PIEZO2: variants seen among roughly 807,000 people sequenced by gnomAD.
The protein encoded by PIEZO2 is piezo-type mechanosensitive ion channel component 2.
A neutral mutation model predicts 337.3 loss-of-function variants in PIEZO2; 172 were observed. That is an observed-to-expected ratio of 0.51 (90% confidence interval 0.45 to 0.58). The LOEUF (loss-of-function observed/expected upper bound fraction) is 0.58, where lower values mean the gene tolerates loss of function less well. Ranked by LOEUF, PIEZO2 falls within the 20% of genes least tolerant of loss-of-function variation. The probability of loss-of-function intolerance (pLI) is 0.00; values close to 1 mark genes in which losing one functional copy is unlikely to be tolerated. For synonymous variants in PIEZO2, 1,251 were observed against 1,228.5 expected (o/e 1.02, Z -0.38); for missense variants, 3,028 against 3,391.3 (o/e 0.89, Z 2.66).
chr18:10,989,125 G>A (rs983374403), intron 2 of PIEZO2, among the ~76,000 whole-genome samples: 1 of 152,092 alleles, frequency 6.6e-6, no homozygotes, highest in African/African-American at 2.4e-5. Flanking sequence ...TAAAGGAAGA[G>A]AGAGGAGACT....
chr18:10,811,178 T>C (rs1368988912), intron 7 of PIEZO2, among the ~76,000 whole-genome samples: 2 of 152,200 alleles, frequency 1.3e-5, no homozygotes, highest in African/African-American at 4.8e-5. Context: ...TTAATATCCT[T>C]GGCATCATCT....
Position 10,724,453 on chromosome 18 carries a change from C to G in PIEZO2, c.5030-6194G>C, listed in dbSNP as rs776224310. ...AATGCATGCTGCAGCCAATCAGACC[C>G]CTGGTAGCAGAGCCTGGGCCCACCA... On this transcript the variant is annotated intron_variant, in intron 36 of 55. Coordinates refer to ENST00000674853, the MANE Select transcript of PIEZO2 (RefSeq NM_001378183.1). This position sits in a 1 kb window ranked among gnomAD's most constrained non-coding sequence, Gnocchi z 5.8. Among the ~76,000 whole-genome samples the G allele has an allele frequency of 6.6e-6, 1 of 152,192 alleles. No homozygotes were observed. The highest frequency in any genetic ancestry group is 1.5e-5 in the Non-Finnish European group (1 of 68,034).
In PIEZO2 at chr18:10,689,054, T is replaced by C. The variant is rs562016785; in HGVS notation, c.7497+601A>G. ...AGGAGCCTTTTTCAAGGAGGGTATT[T>C]TGAGACGAGAAAGAAAGACATTTCA... On this transcript the variant is annotated intron_variant, in intron 49 of 55. Coordinates refer to ENST00000674853, the MANE Select transcript of PIEZO2 (RefSeq NM_001378183.1). Among the ~76,000 whole-genome samples, 28 of 152,316 alleles carry C rather than the reference T, an allele frequency of 1.8e-4. 1 individual carries two copies. In the South Asian group the frequency reaches 5.8e-3, roughly 32 times the overall value.
Position 11,131,114 on chromosome 18 carries a change from T to C in PIEZO2, c.64+17411A>G, listed in dbSNP as rs928461939. ...CTACTCTCCTTTTGAGAGACAGCTC[T>C]TGGCTGACACTGGACTTTGGTGGAA... On this transcript the variant is annotated intron_variant, in intron 1 of 55. Transcript: ENST00000674853. The surrounding 1 kb of genome is among the most constrained non-coding windows in gnomAD (Gnocchi z 5.3). Among the ~76,000 whole-genome samples, 7 of 152,232 alleles carry C rather than the reference T, an allele frequency of 4.6e-5. No homozygotes were observed. Among genetic ancestry groups the C allele is most frequent in the African/African-American group, 1.7e-4 (7 of 41,466 alleles).
chr18:11,029,006 T>G (rs956080424), intron 2 of PIEZO2, among the ~76,000 whole-genome samples: 1 of 152,204 alleles, frequency 6.6e-6, no homozygotes, highest in East Asian at 1.9e-4. Context: ...TAAATAGAAA[T>G]TGAGGGGAAC....
chr18:10,765,713 G>A (rs1170801791), intron 21 of PIEZO2, among the ~76,000 whole-genome samples: 1 of 152,182 alleles, frequency 6.6e-6, no homozygotes, highest in Non-Finnish European at 1.5e-5. Flanking sequence ...AGTTGACACA[G>A]ATTTTGGGAC....
intron 5 of PIEZO2, among the ~76,000 whole-genome samples, chr18:10,867,772 T>C (rs367823142): frequency 1.3e-5 from 2 of 152,276 alleles, no homozygotes; most frequent in South Asian, 2.1e-4. Context: ...TAAATAACTC[T>C]TTTCTACTCA....
intron 1 of PIEZO2, among the ~76,000 whole-genome samples, chr18:11,121,050 C>T (rs560778201): frequency 1.3e-5 from 2 of 152,248 alleles, no homozygotes; most frequent in South Asian, 2.1e-4. Context: ...GTCAGGAGTT[C>T]AAGACCAGCC....
At position 10,758,101 on chromosome 18, in the gene PIEZO2, T is replaced by C; in HGVS notation, c.3791A>G (p.Gln1264Arg). 1 of 1,537,612 alleles carries C rather than the reference T, an allele frequency of 6.5e-7. No homozygotes were observed. Among genetic ancestry groups the C allele is most frequent in the Non-Finnish European group, 8.7e-7 (1 of 1,146,900 alleles). ...GTTCTCATCCTCAAAAATCTGCCGTTGTAAGGAGGCACACAGAAGCAGCAT... is the reference window on the plus strand; with the variant it reads ...GTTCTCATCCTCAAAAATCTGCCGTCGTAAGGAGGCACACAGAAGCAGCAT... The part of the protein sequence containing the change: ...DFMLLLCASL[Q>R]RQIFEDENKA... Residue 1264 changes from glutamine (Q) to arginine (R), a missense_variant, in exon 27 of 56, where the codon CAA becomes CGA. Around this residue, in one of 5 missense-constraint regions of PIEZO2, gnomAD observed 1,925 missense variants for 2,051.9 expected, o/e 0.94. Coordinates refer to ENST00000674853, the MANE Select transcript of PIEZO2 (RefSeq NM_001378183.1).
rs1401404396 is a variant in PIEZO2, at chr18:10,773,592, T to C, written c.2605A>G (p.Met869Val). ...HPEGSLPDLT[M>V]MHLTASLEKP... The stretch of plus-strand genomic sequence containing the variant: ...TCCAGGCTGGCAGTCAGATGCATCA[T>C]GGTGAGGTCCGGGAGGCTTCCTTCC... The change falls in exon 20 of 56, where the codon ATG (methionine) becomes GTG (valine). Residue 869 changes from methionine (M) to valine (V), a missense_variant. Around this residue, in one of 5 missense-constraint regions of PIEZO2, gnomAD observed 1,925 missense variants for 2,051.9 expected, o/e 0.94. Coordinates refer to ENST00000674853, the MANE Select transcript of PIEZO2 (RefSeq NM_001378183.1). The surrounding 1 kb of genome is among the most constrained non-coding windows in gnomAD (Gnocchi z 5.3). 8 of 1,537,184 alleles carry C rather than the reference T, an allele frequency of 5.2e-6. No individual in the cohort carries two copies. The highest frequency in any genetic ancestry group is 2.7e-5 in the African/African-American group (2 of 73,024).
intron 1 of PIEZO2, among the ~76,000 whole-genome samples, chr18:11,108,344 G>A (rs576006322): frequency 1.3e-5 from 2 of 152,212 alleles, no homozygotes; most frequent in South Asian, 2.1e-4. Flanking sequence ...GGCCAGGCAC[G>A]GTGGCTTACA....
In PIEZO2 at chr18:10,826,738, C is replaced by T. The variant is rs1341124629; in HGVS notation, c.918-19464G>A. Among the ~76,000 whole-genome samples the T allele has an allele frequency of 2.0e-5, 3 of 152,194 alleles. No individual in the cohort carries two copies. In the East Asian group the frequency reaches 5.8e-4, roughly 29 times the overall value. The stretch of plus-strand genomic sequence containing the variant: ...TTTAATTTGCAGACATTAAGGCATA[C>T]TCTTTATGCTATAAAGTGCAATGGG... On this transcript the variant is annotated intron_variant, in intron 7 of 55. Transcript: ENST00000674853.
intron 4 of PIEZO2, among the ~76,000 whole-genome samples, chr18:10,883,523 C>CATA (rs2042483688): frequency 6.6e-6 from 1 of 152,148 alleles, no homozygotes; most frequent in African/African-American, 2.4e-5. Flanking sequence ...ACATATATAA[C>CATA]TATACATTAG....
At position 11,027,916 on chromosome 18, in the gene PIEZO2, AAGAGCCTTCGT is replaced by A. The variant is rs1300556959; in HGVS notation, c.160+38200_160+38210del. Among the ~76,000 whole-genome samples the A allele has an allele frequency of 1.3e-5, 2 of 152,362 alleles. No individual in the cohort carries two copies. The highest frequency in any genetic ancestry group is 3.9e-4 in the East Asian group (2 of 5,178). Reference sequence around the variant, plus strand: ...AAGAAACAATTGTTAAATATACTAGAAGAGCCTTCGTAGAGTACTCTTTGATAAATTCTTCA... The same window carrying A: ...AAGAAACAATTGTTAAATATACTAGAAGAGTACTCTTTGATAAATTCTTCA... On this transcript the variant is annotated intron_variant, in intron 2 of 55. Transcript: ENST00000674853. The surrounding 1 kb of genome is among the most constrained non-coding windows in gnomAD (Gnocchi z 4.2).
At chr18:11,072,354 G>A (rs1207230089) in intron 1 of PIEZO2, among the ~76,000 whole-genome samples, 1 of 152,112 alleles carries the variant, frequency 6.6e-6, no homozygotes, top group Non-Finnish European at 1.5e-5. Flanking sequence ...CAATTGACAT[G>A]GCCCCCAAAT....
intron 2 of PIEZO2, among the ~76,000 whole-genome samples, chr18:11,050,121 A>G (rs1164558713): frequency 2.6e-5 from 4 of 152,150 alleles, no homozygotes; most frequent in Non-Finnish European, 4.4e-5. Context: ...GAACAACTAA[A>G]ATAACCTAAA....
intron 4 of PIEZO2, among the ~76,000 whole-genome samples, chr18:10,873,686 C>A (rs2042194744): frequency 6.6e-6 from 1 of 151,988 alleles, no homozygotes; most frequent in Non-Finnish European, 1.5e-5. Context: ...CTATAATATA[C>A]ATAAAAATTA....
intron 41 of PIEZO2, 23 bp downstream of exon 41, chr18:10,705,313 T>A: frequency 6.6e-7 from 1 of 1,510,668 alleles, no homozygotes; most frequent in Non-Finnish European, 8.8e-7. Flanking sequence ...GATATGTGTC[T>A]GATCTGTTCA....
Position 10,726,637 on chromosome 18 carries a change from G to T in PIEZO2, c.5029+4770C>A. On this transcript the variant is annotated intron_variant, in intron 36 of 55. Coordinates refer to ENST00000674853, the MANE Select transcript of PIEZO2 (RefSeq NM_001378183.1). The surrounding 1 kb of genome is among the most constrained non-coding windows in gnomAD (Gnocchi z 5.9). Reference sequence around the variant, plus strand: ...CGCCGACGTGCGCTGGGAGTACTGCGCGCGCGCCAAGCGCGGCCAGACAGA... The same window carrying T: ...CGCCGACGTGCGCTGGGAGTACTGCTCGCGCGCCAAGCGCGGCCAGACAGA... 7.1e-7 allele frequency: 1 copy of T among 1,398,912 alleles called. No homozygotes were observed. Among genetic ancestry groups the T allele is most frequent in the Non-Finnish European group, 9.6e-7 (1 of 1,037,912 alleles). The allele number at this position is 1,398,912 out of a possible 1,614,324, so 86.7% of individuals were successfully genotyped here.
Sources: gnomAD v4.1 joint callset for allele counts (sites outside exome capture counted in the v4.1 genomes callset) on GRCh38, gnomAD v4.1.1 for gene constraint, gnomAD v4.1.1 regional missense constraint, Gnocchi (gnomAD v3.1) non-coding constraint, MANE v1.5 for transcripts, NCBI Gene and HGNC (gene_info 2026-07-23, HGNC 2026-07-21) for gene names.